The following AQR variants were observed in gnomAD, a reference collection of about 807,000 sequenced individuals.
AQR encodes aquarius intron-binding spliceosomal factor.
In AQR, 61 loss-of-function variants were observed where a neutral mutation model predicts 180.5. The observed-to-expected ratio is 0.34, with a 90% CI of 0.28 to 0.42. The LOEUF (loss-of-function observed/expected upper bound fraction) is 0.42. AQR is among the 10% of genes least tolerant of loss of function. The pLI, the probability that AQR is intolerant of heterozygous loss-of-function variation, is 1.00. For synonymous variants in AQR, 551 were observed against 588.8 expected (o/e 0.94, Z 0.93); for missense variants, 1,281 against 1,798.3 (o/e 0.71, Z 5.20).
chr15:34,943,089 G>A (rs377264878), intron 6 of AQR: 97 of 1,611,532 alleles, frequency 6.0e-5, no homozygotes, highest in African/African-American at 9.4e-5. Flanking sequence ...CATGGTTAAC[G>A]TCCCTAAAAC....
chr15:34,904,927 A>G (rs1893387813), intron 18 of AQR, among the ~76,000 whole-genome samples: 3 of 151,930 alleles, frequency 2.0e-5, no homozygotes, highest in Non-Finnish European at 2.9e-5. Context: ...ATAGTTTTCT[A>G]TTCATTAATT....
At chr15:34,857,889 A>G (rs1892611714) in intron 34 of AQR, among the ~76,000 whole-genome samples, 1 of 152,220 alleles carries the variant, frequency 6.6e-6, no homozygotes, top group Non-Finnish European at 1.5e-5. Flanking sequence ...GCAACTCTAT[A>G]TGCTTAGCTT....
At chr15:34,861,038 A>T (rs1328519310) in intron 33 of AQR, among the ~76,000 whole-genome samples, 1 of 152,256 alleles carries the variant, frequency 6.6e-6, no homozygotes, top group Non-Finnish European at 1.5e-5. Context: ...TCCTATTTAT[A>T]GTTATTAATA....
In AQR at chr15:34,870,751, C is replaced by A; in HGVS notation, c.3768+1G>T. On this transcript the variant is annotated splice_donor_variant, in intron 31 of 34. Coordinates refer to ENST00000156471, the MANE Select transcript of AQR (RefSeq NM_014691.3). LOFTEE classifies it high-confidence loss of function. ...AGAACATATTATAATTATAAAAGTA[C>A]CTTGTTTGGTCTTCCAATCAATGGA... is the stretch of plus-strand genomic sequence containing the variant. The A allele has an allele frequency of 6.2e-7, 1 of 1,608,646 alleles. No individual in the cohort carries two copies. The highest frequency in any genetic ancestry group is 8.5e-7 in the Non-Finnish European group (1 of 1,177,690).
At position 34,956,696 on chromosome 15, in the gene AQR, GAA is replaced by G. The variant is rs565202160; in HGVS notation, c.174-3778_174-3777del. Reference sequence around the variant, plus strand: ...GAACAGAATATTCAGTAAGAAGTCAGAAAAAAAAAAAAAAAAAAAAGAACCAG... The same window carrying G: ...GAACAGAATATTCAGTAAGAAGTCAGAAAAAAAAAAAAAAAAAAGAACCAG... On this transcript the variant is annotated intron_variant, in intron 3 of 34. Coordinates refer to ENST00000156471, the MANE Select transcript of AQR (RefSeq NM_014691.3). Among the ~76,000 whole-genome samples the G allele has an allele frequency of 4.5e-3, 376 of 83,388 alleles. 5 individuals are homozygous for G. Among genetic ancestry groups the G allele is most frequent in the African/African-American group, 0.017 (362 of 20,812 alleles). 54.7% of individuals were successfully genotyped at this position (83,388 alleles called of 152,430 possible).
At position 34,918,357 on chromosome 15, in the gene AQR, T is replaced by C; in HGVS notation, c.1243A>G (p.Ile415Val). The part of the protein sequence containing the change: ...ELLVSRHERR[I>V]SQIQQLNQMP... ...TGGTTCAACTGCTGAATCTGAGAAA[T>C]TCGACGTTCATGACGAGATACCTAA... The change falls in exon 15 of 35, where the codon ATT (isoleucine) becomes GTT (valine). Residue 415 changes from isoleucine (I) to valine (V), a missense_variant. By Grantham distance (29) the Ile-to-Val change is conservative. Coordinates refer to ENST00000156471, the MANE Select transcript of AQR (RefSeq NM_014691.3). The C allele has an allele frequency of 1.2e-6, 2 of 1,613,816 alleles. No individual in the cohort carries two copies. The highest frequency in any genetic ancestry group is 1.7e-6 in the Non-Finnish European group (2 of 1,179,878).
chr15:34,875,851 A>G, intron 28 of AQR, 84 bp downstream of exon 28: 1 of 1,012,434 alleles, frequency 9.9e-7, no homozygotes, highest in Non-Finnish European at 1.5e-6. Context: ...GGCAATCAGC[A>G]CACCCAAACT....
chr15:34,896,996 AC>A (rs775117560), intron 21 of AQR, 30 bp from the exon 22 acceptor site: 3 of 1,547,018 alleles, frequency 1.9e-6, no homozygotes, highest in Non-Finnish European at 2.7e-6. Context: ...AAAAGTTGGT[AC>A]AGATAAATGA....
Position 34,932,392 on chromosome 15 carries a change from C to T in AQR, c.826G>A (p.Asp276Asn). 6.2e-7 allele frequency: 1 copy of T among 1,612,178 alleles called. No homozygotes were observed. Among genetic ancestry groups the T allele is most frequent in the South Asian group, 1.1e-5 (1 of 90,670 alleles). ...TAACAGTGAACCAGAAGGTGGGAAT[C>T]ATCCAGGATGGTATTAAACCAGCGC... ...TRRWFNTILD[D>N]SHLLVHCYLS... Residue 276 changes from aspartate to asparagine, a missense_variant, in exon 11 of 35, where the codon GAT (aspartate) becomes AAT (asparagine). Asp to Asn is a conservative substitution (Grantham distance 23). Coordinates refer to ENST00000156471, the MANE Select transcript of AQR (RefSeq NM_014691.3).
At chr15:34,882,774 C>A in intron 26 of AQR, 135 bp from the exon 27 acceptor site, 1 of 804,578 alleles carries the variant, frequency 1.2e-6, no homozygotes, top group Non-Finnish European at 1.8e-6. Context: ...AATTATAATT[C>A]TGTTCATTAT....
chr15:34,875,038 T>G (rs754268525), intron 28 of AQR, among the ~76,000 whole-genome samples, 174 bp from the exon 29 acceptor site: 1 of 151,982 alleles, frequency 6.6e-6, no homozygotes. Flanking sequence ...GTGAACCAAT[T>G]ATGGACGTTA....
At chr15:34,928,241 A>T (rs2089852768) in intron 12 of AQR, among the ~76,000 whole-genome samples, 2 of 151,324 alleles carry the variant, frequency 1.3e-5, no homozygotes. Flanking sequence ...TTTTTCTTCT[A>T]AAAAAAATGG....
rs1893874703 is a variant in AQR at position 34,932,167 on chromosome 15, T to A, written c.900+151A>T. ...AGTTATATAATTACTAGAGGCAACC[T>A]ATATAAGAATACATTCATTTTATAT... On this transcript the variant is annotated intron_variant, in intron 11 of 34. Transcript: ENST00000156471. 3 of 569,276 alleles carry A rather than the reference T, an allele frequency of 5.3e-6. No individual in the cohort carries two copies. The African/African-American group carries it at 5.9e-5, about 11-fold the overall frequency. The allele number at this position is 569,276 out of a possible 1,614,324, so 35.3% of individuals were successfully genotyped here. A position where few individuals can be genotyped will look rare whatever the true frequency, so the allele number is the denominator to read the frequency against.
chr15:34,914,023 G>C (rs1893540756), intron 16 of AQR, among the ~76,000 whole-genome samples: 1 of 152,170 alleles, frequency 6.6e-6, no homozygotes, highest in Admixed American at 6.5e-5. Context: ...CATAATCACA[G>C]TGTCTGTGGT....
chr15:34,906,736 C>T, intron 17 of AQR, 24 bp from the exon 18 acceptor site: 1 of 1,592,000 alleles, frequency 6.3e-7, no homozygotes, highest in South Asian at 1.1e-5. Context: ...AAGACATTTT[C>T]ATTTATTAGA....
rs1892569423 is a variant in AQR, at chr15:34,855,025, A to AT, written c.*1766dup. 6.6e-6 allele frequency: 1 copy of AT among 152,234 alleles called. No individual in the cohort carries two copies. The highest frequency in any genetic ancestry group is 2.1e-4 in the South Asian group (1 of 4,830). 9.4% of individuals were successfully genotyped at this position (152,234 alleles called of 1,614,324 possible). A position where few individuals can be genotyped will look rare whatever the true frequency, so the allele number is the denominator to read the frequency against. On this transcript the variant is annotated 3_prime_UTR_variant, in exon 35 of 35. Coordinates refer to ENST00000156471, the MANE Select transcript of AQR (RefSeq NM_014691.3). ...GCTTTCAAAATCTTTTATCGGAGAA[A>AT]TTACATAACAGGCTATCTGGCTTGA...
intron 3 of AQR, among the ~76,000 whole-genome samples, chr15:34,956,566 C>T (rs534226380): frequency 2.6e-5 from 4 of 152,058 alleles, no homozygotes; most frequent in East Asian, 3.9e-4. Context: ...GCAGGAGAAT[C>T]GCTGGAACCC....
chr15:34,944,180 C>A, intron 6 of AQR, 108 bp downstream of exon 6: 1 of 1,046,584 alleles, frequency 9.6e-7, no homozygotes. Flanking sequence ...ATCCTTATTG[C>A]CTGCTATTAT....
intron 20 of AQR, among the ~76,000 whole-genome samples, chr15:34,899,282 CAGG>C (rs1197445283): frequency 6.6e-6 from 1 of 152,012 alleles, no homozygotes; most frequent in African/African-American, 2.4e-5. Context: ...TTTCAAGATG[CAGG>C]AGTAGAAAAA....
Sources: gnomAD v4.1 joint callset for allele counts (sites outside exome capture counted in the v4.1 genomes callset) on GRCh38, gnomAD v4.1.1 for gene constraint, MANE v1.5 for transcripts, NCBI Gene and HGNC (gene_info 2026-07-23, HGNC 2026-07-21) for gene names.